The following C6orf58 variants were observed in gnomAD, a reference collection of about 807,000 sequenced individuals.
C6orf58 encodes chromosome 6 open reading frame 58.
C6orf58 carries 30 observed loss-of-function variants against 37.0 expected under a neutral mutation model. The ratio of observed to expected loss-of-function variants is 0.81; its 90% CI spans 0.61 to 1.10. C6orf58 has a LOEUF of 1.10. Among genes scored for constraint, C6orf58 ranks in the 50% least tolerant of loss-of-function variants. The pLI is 0.00. For synonymous variants in C6orf58, 143 were observed against 134.1 expected, an observed-to-expected ratio of 1.07 and a Z score of -0.46; for missense variants, 368 against 387.5, an observed-to-expected ratio of 0.95 and a Z score of 0.42.
intron 4 of C6orf58, among the ~76,000 whole-genome samples, chr6:127,584,186 G>C (rs1413387080): frequency 6.6e-6 from 1 of 152,124 alleles, no homozygotes; most frequent in African/African-American, 2.4e-5. Flanking sequence ...TATAAAACCA[G>C]AAAATATGCA....
chr6:127,584,034 C>A (rs1026346488), intron 4 of C6orf58, among the ~76,000 whole-genome samples: 1 of 152,090 alleles, frequency 6.6e-6, no homozygotes, highest in African/African-American at 2.4e-5. Context: ...TTTGTAATAC[C>A]TTTTTAAACT....
Position 127,591,657 on chromosome 6 carries a change from G to T in C6orf58, c.*35G>T, listed in dbSNP as rs1341775403. 3.4e-6 allele frequency: 5 copies of T among 1,449,650 alleles called. No individual in the cohort carries two copies. The African/African-American group carries it at 4.4e-5, about 13-fold the overall frequency. The allele number at this position is 1,449,650 out of a possible 1,614,324, so 89.8% of individuals were successfully genotyped here. A position where few individuals can be genotyped will look rare whatever the true frequency, so the allele number is the denominator to read the frequency against. On this transcript the variant is annotated 3_prime_UTR_variant, in exon 6 of 6. Transcript: ENST00000329722. ...CTTCAAACTTCAGGAAATGATTAAT[G>T]AATTAAAAATGAAAAACTCGAACTT...
At chr6:127,590,505 G>A (rs1295206020) in intron 5 of C6orf58, among the ~76,000 whole-genome samples, 180 bp downstream of exon 5, 1 of 151,958 alleles carries the variant, frequency 6.6e-6, no homozygotes, top group Admixed American at 6.6e-5. Flanking sequence ...CATTTAATGA[G>A]CACACATTTT....
rs542531909 is a variant in C6orf58 at position 127,577,277 on chromosome 6, C to A, written c.92C>A (p.Pro31His). The A allele has an allele frequency of 6.2e-7, 1 of 1,613,372 alleles. No individual in the cohort carries two copies. Residue 31 changes from proline to histidine, a missense_variant, in exon 1 of 6, where the codon CCT becomes CAT. By Grantham distance (77) the Pro-to-His change is moderately conservative. Coordinates refer to ENST00000329722, the MANE Select transcript of C6orf58 (RefSeq NM_001010905.3). ...TCCAATCTCTCAGAGACAGAGCCCCCTCTGTGGAAGGAGAGTCCTGGTCAG... is the reference window on the plus strand; with the variant it reads ...TCCAATCTCTCAGAGACAGAGCCCCATCTGTGGAAGGAGAGTCCTGGTCAG... ...GTSNLSETEP[P>H]LWKESPGQLS...
chr6:127,577,674 T>C (rs546144243), intron 1 of C6orf58, among the ~76,000 whole-genome samples, 188 bp downstream of exon 1: 2 of 152,166 alleles, frequency 1.3e-5, no homozygotes, highest in Non-Finnish European at 2.9e-5. Flanking sequence ...TTTTGTGGGT[T>C]GTGTGTTATT....
chr6:127,580,044 A>C (rs1381402054), intron 2 of C6orf58, among the ~76,000 whole-genome samples: 3 of 152,082 alleles, frequency 2.0e-5, no homozygotes, highest in African/African-American at 7.2e-5. Context: ...ACTTTAGCCA[A>C]TATGTTATAT....
rs1379487663 is a variant in C6orf58, at chr6:127,580,564, C to A, written c.573+115C>A. The A allele has an allele frequency of 1.0e-5, 7 of 700,578 alleles. No homozygotes were observed. The East Asian group carries it at 1.8e-4, about 18-fold the overall frequency. The allele number at this position is 700,578 out of a possible 1,614,324, so 43.4% of individuals were successfully genotyped here. ...TTCCTTAGTATGCAGATGTAAATTG[C>A]TATGCATGATATATTAATAGTATAT... On this transcript the variant is annotated intron_variant, in intron 3 of 5. Transcript: ENST00000329722.
chr6:127,584,127 A>G (rs1270827492), intron 4 of C6orf58, among the ~76,000 whole-genome samples: 1 of 152,194 alleles, frequency 6.6e-6, no homozygotes, highest in Non-Finnish European at 1.5e-5. Context: ...TTTTCTAATA[A>G]CCTTTTCACT....
intron 1 of C6orf58, among the ~76,000 whole-genome samples, chr6:127,577,819 CA>C (rs746637902): frequency 6.6e-6 from 1 of 152,004 alleles, no homozygotes; most frequent in Non-Finnish European, 1.5e-5. Flanking sequence ...ATGAGATGAA[CA>C]AAACAGTCAA....
rs1775016318 is a variant in C6orf58, at chr6:127,578,731, C to G, written c.347C>G (p.Ser116Cys). ...PTRRTNCGYE[S>C]GDHMCISVDS... ...CGAAGGACAAACTGTGGCTATGAAT[C>G]TGGAGATCATATGTGCATCTCTGTG... Residue 116 changes from serine to cysteine, a missense_variant, in exon 2 of 6, where the codon TCT becomes TGT. By Grantham distance (112) the Ser-to-Cys change is moderately radical. Coordinates refer to ENST00000329722, the MANE Select transcript of C6orf58 (RefSeq NM_001010905.3). 1 of 1,612,774 alleles carries G rather than the reference C, an allele frequency of 6.2e-7. No homozygotes were observed. The highest frequency in any genetic ancestry group is 1.7e-5 in the Admixed American group (1 of 59,944).
At chr6:127,580,670 A>G (rs1048250971) in intron 3 of C6orf58, among the ~76,000 whole-genome samples, 1 of 152,086 alleles carries the variant, frequency 6.6e-6, no homozygotes, top group African/African-American at 2.4e-5. Context: ...TGCCTCAAAT[A>G]CATTATACAA....
In C6orf58 at chr6:127,581,166, G is replaced by A; in HGVS notation, c.574-16G>A. ...TAGTTGCTCAAATATTAATAAATTT[G>A]ACCTCTTTACCTTAGTATTTGCAGT... On this transcript the variant is annotated splice_polypyrimidine_tract_variant and intron_variant, in intron 3 of 5. Transcript: ENST00000329722. The A allele has an allele frequency of 8.1e-7, 1 of 1,227,528 alleles. No individual in the cohort carries two copies. The highest frequency in any genetic ancestry group is 1.1e-6 in the Non-Finnish European group (1 of 890,062). 76.0% of individuals were successfully genotyped at this position (1,227,528 alleles called of 1,614,324 possible).
intron 4 of C6orf58, 46 bp downstream of exon 4, chr6:127,581,328 T>A (rs1157558000): frequency 2.4e-6 from 2 of 840,362 alleles, no homozygotes; most frequent in South Asian, 2.4e-5. Context: ...TGATAAATAA[T>A]TTTGGGCATT....
chr6:127,580,354 C>G lies in C6orf58; in HGVS notation c.478C>G (p.Pro160Ala). The G allele has an allele frequency of 6.2e-7, 1 of 1,612,624 alleles. No individual in the cohort carries two copies. Among genetic ancestry groups the G allele is most frequent in the Non-Finnish European group, 8.5e-7 (1 of 1,178,932 alleles). Residue 160 changes from proline to alanine, a missense_variant, in exon 3 of 6, where the codon CCC becomes GCC. By Grantham distance (27) the Pro-to-Ala change is conservative (BLOSUM62 -1). Coordinates refer to ENST00000329722, the MANE Select transcript of C6orf58 (RefSeq NM_001010905.3). ...GISSDQVRLL[P>A]PPKNERKFCY... ...ATCATCAGACCAAGTCAGGCTTTTG[C>G]CCCCACCCAAGAATGAGAGGAAGTT... is the stretch of plus-strand genomic sequence containing the variant.
At chr6:127,583,478 G>A (rs1775070753) in intron 4 of C6orf58, among the ~76,000 whole-genome samples, 3 of 152,152 alleles carry the variant, frequency 2.0e-5, no homozygotes, top group Admixed American at 6.5e-5. Context: ...TCTTGGGAAA[G>A]CTGTCTACAT....
chr6:127,582,226 T>A (rs1775057570), intron 4 of C6orf58, among the ~76,000 whole-genome samples: 1 of 152,174 alleles, frequency 6.6e-6, no homozygotes, highest in Admixed American at 6.5e-5. Flanking sequence ...TGACATAGAA[T>A]GAATAGCTGC....
At chr6:127,582,927 A>G (rs1775065733) in intron 4 of C6orf58, among the ~76,000 whole-genome samples, 1 of 152,208 alleles carries the variant, frequency 6.6e-6, no homozygotes, top group Non-Finnish European at 1.5e-5. Context: ...AACCCTACAG[A>G]TAGTCTCCTG....
rs753125446 is a variant in C6orf58 at position 127,591,533 on chromosome 6, T to A, written c.914-10T>A. ...AGAGTTTACATGTAATCATTTTGTATCTTTTACAGGTTATCTTTGTACAGA... is the reference window on the plus strand; with the variant it reads ...AGAGTTTACATGTAATCATTTTGTAACTTTTACAGGTTATCTTTGTACAGA... On this transcript the variant is annotated splice_polypyrimidine_tract_variant and intron_variant, in intron 5 of 5. Coordinates refer to ENST00000329722, the MANE Select transcript of C6orf58 (RefSeq NM_001010905.3). 6.6e-7 allele frequency: 1 copy of A among 1,515,308 alleles called. No homozygotes were observed. The highest frequency in any genetic ancestry group is 8.8e-7 in the Non-Finnish European group (1 of 1,140,204). The allele number at this position is 1,515,308 out of a possible 1,614,324, so 93.9% of individuals were successfully genotyped here. A position where few individuals can be genotyped will look rare whatever the true frequency, so the allele number is the denominator to read the frequency against.
Position 127,591,419 on chromosome 6 carries a change from AT to A in C6orf58, c.914-121del, listed in dbSNP as rs994633815. The A allele has an allele frequency of 5.2e-5, 47 of 898,582 alleles. No individual in the cohort carries two copies. In the African/African-American group the frequency reaches 7.6e-4, roughly 15 times the overall value. The allele number at this position is 898,582 out of a possible 1,614,324, so 55.7% of individuals were successfully genotyped here. A position where few individuals can be genotyped will look rare whatever the true frequency, so the allele number is the denominator to read the frequency against. ...TGCCATGCTTACTTTTCTTTGTATAATTTATGATTTTACCATTAAATTAGTA... is the reference window on the plus strand; with the variant it reads ...TGCCATGCTTACTTTTCTTTGTATAATTATGATTTTACCATTAAATTAGTA... On this transcript the variant is annotated intron_variant, in intron 5 of 5. Coordinates refer to ENST00000329722, the MANE Select transcript of C6orf58 (RefSeq NM_001010905.3).
Sources: gnomAD v4.1 joint callset for allele counts (sites outside exome capture counted in the v4.1 genomes callset) on GRCh38, gnomAD v4.1.1 for gene constraint, MANE v1.5 for transcripts, NCBI Gene and HGNC (gene_info 2026-07-23, HGNC 2026-07-21) for gene names.